The following ZDHHC13 variants were observed in gnomAD, a reference collection of about 807,000 sequenced individuals.
The protein encoded by ZDHHC13 is palmitoyltransferase ZDHHC13.
ZDHHC13 carries 85 observed loss-of-function variants against 86.0 expected under a neutral mutation model. That is an observed-to-expected ratio of 0.99 (90% CI 0.83 to 1.18). The LOEUF (loss-of-function observed/expected upper bound fraction) is 1.18, where lower values mean the gene tolerates loss of function less well. Ranked by LOEUF, ZDHHC13 falls within the 50% of genes most tolerant of loss-of-function variation. The pLI is 0.00. For missense variants in ZDHHC13, 711 were observed against 730.2 expected (o/e 0.97, Z 0.30); for synonymous variants, 263 against 246.4 (o/e 1.07, Z -0.63).
intron 1 of ZDHHC13, among the ~76,000 whole-genome samples, chr11:19,132,354 A>G (rs1849019936): frequency 1.3e-5 from 2 of 152,160 alleles, no homozygotes; most frequent in Non-Finnish European, 2.9e-5. Context: ...GCCCTCTGAT[A>G]TCTCCACTGA....
intron 1 of ZDHHC13, among the ~76,000 whole-genome samples, chr11:19,129,968 G>A (rs999069760): frequency 6.6e-6 from 1 of 152,128 alleles, no homozygotes; most frequent in African/African-American, 2.4e-5. Context: ...CGCATCTGTA[G>A]TCCCAGCTGC....
intron 4 of ZDHHC13, among the ~76,000 whole-genome samples, chr11:19,148,218 A>T (rs1255461113): frequency 6.6e-6 from 1 of 151,670 alleles, no homozygotes; most frequent in Non-Finnish European, 1.5e-5. Flanking sequence ...TAAGTCTTGA[A>T]TACTTATCAG....
At chr11:19,123,883 A>G (rs990462996) in intron 1 of ZDHHC13, among the ~76,000 whole-genome samples, 5 of 152,180 alleles carry the variant, frequency 3.3e-5, no homozygotes, top group African/African-American at 1.2e-4. Flanking sequence ...TCAAGGTTGT[A>G]AAAAGATTGA....
chr11:19,124,861 ATC>A (rs1163166852), intron 1 of ZDHHC13, among the ~76,000 whole-genome samples: 1 of 152,078 alleles, frequency 6.6e-6, no homozygotes, highest in Non-Finnish European at 1.5e-5. Flanking sequence ...AAACCACCAA[ATC>A]AGTAGCTGAT....
intron 16 of ZDHHC13, among the ~76,000 whole-genome samples, chr11:19,173,575 A>G (rs1274205617): frequency 6.6e-6 from 1 of 152,162 alleles, no homozygotes; most frequent in African/African-American, 2.4e-5. Context: ...AGGCTGTTAG[A>G]CAAGGGGATC....
chr11:19,160,254 A>G (rs1849873541), intron 10 of ZDHHC13, among the ~76,000 whole-genome samples: 1 of 152,020 alleles, frequency 6.6e-6, no homozygotes, highest in South Asian at 2.1e-4. Context: ...GGCACAGCAT[A>G]CATTGGGGCC....
intron 4 of ZDHHC13, among the ~76,000 whole-genome samples, chr11:19,148,151 G>A (rs1041634395): frequency 8.6e-5 from 13 of 151,924 alleles, no homozygotes; most frequent in African/African-American, 2.9e-4. Flanking sequence ...CATTTATATT[G>A]TGTGGTCACT....
intron 1 of ZDHHC13, among the ~76,000 whole-genome samples, chr11:19,122,541 G>A (rs1303837575): frequency 6.6e-6 from 1 of 151,862 alleles, no homozygotes; most frequent in Non-Finnish European, 1.5e-5. Flanking sequence ...AATATATATT[G>A]TAAAATGCTG....
At chr11:19,129,028 C>T (rs1464309449) in intron 1 of ZDHHC13, among the ~76,000 whole-genome samples, 1 of 152,142 alleles carries the variant, frequency 6.6e-6, no homozygotes, top group African/African-American at 2.4e-5. Context: ...AGAATATATC[C>T]TCATTGTTAA....
intron 6 of ZDHHC13, among the ~76,000 whole-genome samples, chr11:19,151,154 G>A (rs1008794894): frequency 2.6e-5 from 4 of 152,008 alleles, no homozygotes; most frequent in African/African-American, 7.2e-5. Flanking sequence ...TGAAATCTAA[G>A]TGATAAATCT....
chr11:19,154,116 T>C (rs1173754983), intron 8 of ZDHHC13, among the ~76,000 whole-genome samples: 5 of 152,226 alleles, frequency 3.3e-5, no homozygotes, highest in Non-Finnish European at 7.3e-5. Flanking sequence ...ATCCAGGTTT[T>C]TATATACTAT....
chr11:19,148,187 G>T (rs1311407293), intron 4 of ZDHHC13, among the ~76,000 whole-genome samples: 2 of 151,188 alleles, frequency 1.3e-5, no homozygotes, highest in Non-Finnish European at 2.9e-5. Context: ...TTGTATATTG[G>T]CCATCTGAAA....
At position 19,155,801 on chromosome 11, in the gene ZDHHC13, C is replaced by T; in HGVS notation, c.879C>T (p.Phe293=). 2 of 1,611,418 alleles carry T rather than the reference C, an allele frequency of 1.2e-6. No individual in the cohort carries two copies. The highest frequency in any genetic ancestry group is 1.7e-6 in the Non-Finnish European group (2 of 1,179,418). ...AATTCTGAATCTCTTAATAGCTCTT[C>T]CTGCTGCTGATGCTTTCTGTGATTA... ...LWRWLQKCEL[F]LLLMLSVITM... The change falls in exon 9 of 17, where the codon TTC becomes TTT. Residue 293 remains phenylalanine (F), a synonymous_variant. Coordinates refer to ENST00000446113, the MANE Select transcript of ZDHHC13 (RefSeq NM_019028.3).
At position 19,165,160 on chromosome 11, in the gene ZDHHC13, T is replaced by G; in HGVS notation, c.1390+15T>G. Reference sequence around the variant, plus strand: ...ACGGTGCATAGGTGAGAGATTTAATTTTTCAATTACTACTGTGAAGTTAAG... The same window carrying G: ...ACGGTGCATAGGTGAGAGATTTAATGTTTCAATTACTACTGTGAAGTTAAG... On this transcript the variant is annotated intron_variant, in intron 13 of 16. Coordinates refer to ENST00000446113, the MANE Select transcript of ZDHHC13 (RefSeq NM_019028.3). 12 of 1,603,128 alleles carry G rather than the reference T, an allele frequency of 7.5e-6. No individual in the cohort carries two copies. The highest frequency in any genetic ancestry group is 9.4e-6 in the Non-Finnish European group (11 of 1,174,346).
chr11:19,152,385 G>T, intron 7 of ZDHHC13, 65 bp downstream of exon 7: 1 of 1,548,028 alleles, frequency 6.5e-7, no homozygotes, highest in Admixed American at 2.0e-5. Context: ...ATAAATTAAC[G>T]TAAAGATAAG....
At chr11:19,137,878 A>C (rs1170677461) in intron 1 of ZDHHC13, among the ~76,000 whole-genome samples, 31 of 152,226 alleles carry the variant, frequency 2.0e-4, no homozygotes, top group African/African-American at 7.0e-4. Context: ...ACAAAGACAC[A>C]ACATACCAGA....
chr11:19,136,123 C>T (rs1172883426), intron 1 of ZDHHC13, among the ~76,000 whole-genome samples: 3 of 152,152 alleles, frequency 2.0e-5, no homozygotes, highest in Admixed American at 1.3e-4. Context: ...TCAAATTACT[C>T]TGAGCTACGG....
chr11:19,117,111 A>G (rs1396752426), upstream of ZDHHC13: 10 of 905,534 alleles, frequency 1.1e-5, no homozygotes, highest in African/African-American at 1.7e-5. The surrounding 1 kb of genome is among the most constrained non-coding windows in gnomAD (Gnocchi z 4.2). Context: ...TTGACGGCTC[A>G]GGGCACGAGC....
At chr11:19,164,774 C>T (rs1190057020) in intron 12 of ZDHHC13, 2 of 438,374 alleles carry the variant, frequency 4.6e-6, no homozygotes, top group Admixed American at 4.0e-5. Flanking sequence ...GTTTCCTTCC[C>T]TTGGTTGAGT....
Sources: allele counts gnomAD v4.1 joint callset (sites outside exome capture counted in the v4.1 genomes callset), GRCh38; gene constraint gnomAD v4.1.1; non-coding constraint Gnocchi (gnomAD v3.1); transcripts MANE v1.5; gene names NCBI Gene and HGNC (gene_info 2026-07-23, HGNC 2026-07-21).